GALNTL6: variants seen among roughly 807,000 people sequenced by gnomAD.
GALNTL6 encodes the protein polypeptide N-acetylgalactosaminyltransferase-like 6.
A neutral mutation model predicts 73.7 loss-of-function variants in GALNTL6; 46 were observed. The observed-to-expected ratio is 0.62, with a 90% CI of 0.49 to 0.80. GALNTL6 has a LOEUF of 0.80. GALNTL6 is among the 30% of genes least tolerant of loss of function. GALNTL6 has a pLI of 0.00. For missense variants in GALNTL6, 604 were observed against 755.0 expected (o/e 0.80, Z 2.34); for synonymous variants, 259 against 263.7 (o/e 0.98, Z 0.17).
chr4:172,152,167 G>A (rs771957246), intron 2 of GALNTL6, among the ~76,000 whole-genome samples: 3 of 151,868 alleles, frequency 2.0e-5, no homozygotes, highest in Non-Finnish European at 4.4e-5. Flanking sequence ...TAGTAGAGAC[G>A]GGGTTTCACC....
chr4:172,697,382 G>A lies in GALNTL6; in HGVS notation c.554-111979G>A, dbSNP rs538863386. Among the ~76,000 whole-genome samples, 179 of 152,176 alleles carry A rather than the reference G, an allele frequency of 1.2e-3. 1 individual carries two copies. Among genetic ancestry groups the A allele is most frequent in the African/African-American group, 4.1e-3 (169 of 41,522 alleles). ...TTAAATCAGGTGGATGACAAGCAGC[G>A]GAGATCTTGATCCTCTAAGTAAATA... On this transcript the variant is annotated intron_variant, in intron 5 of 12. Coordinates refer to ENST00000506823, the MANE Select transcript of GALNTL6 (RefSeq NM_001034845.3).
At chr4:172,583,443 A>G (rs775112134) in intron 5 of GALNTL6, among the ~76,000 whole-genome samples, 5 of 152,192 alleles carry the variant, frequency 3.3e-5, no homozygotes, top group Non-Finnish European at 7.3e-5. Flanking sequence ...ATCTGACATA[A>G]TTTTCAGGTC....
chr4:171,820,493 A>T (rs1428885082), intron 2 of GALNTL6, among the ~76,000 whole-genome samples: 1 of 152,208 alleles, frequency 6.6e-6, no homozygotes, highest in East Asian at 1.9e-4. Flanking sequence ...TTATAAAGAA[A>T]AATTAAATCC....
chr4:173,002,074 A>G lies in GALNTL6; in HGVS notation c.1372-7104A>G, dbSNP rs1410897480. Among the ~76,000 whole-genome samples the G allele has an allele frequency of 2.0e-5, 3 of 152,382 alleles. No homozygotes were observed. In the East Asian group the frequency reaches 5.8e-4, roughly 29 times the overall value. ...AAGATATTTACATGCCAGTGTTCAC[A>G]GAAGCATTATTCACAGTAGCCAAAA... is the stretch of plus-strand genomic sequence containing the variant. On this transcript the variant is annotated intron_variant, in intron 10 of 12. Transcript: ENST00000506823.
intron 9 of GALNTL6, among the ~76,000 whole-genome samples, chr4:172,936,561 A>G (rs907176465): frequency 2.0e-5 from 3 of 152,196 alleles, no homozygotes; most frequent in Non-Finnish European, 2.9e-5. Flanking sequence ...AGCTGATAGG[A>G]AACTTTAGCA....
intron 7 of GALNTL6, among the ~76,000 whole-genome samples, chr4:172,826,817 T>C (rs1482878968): frequency 6.6e-6 from 1 of 152,254 alleles, no homozygotes; most frequent in Non-Finnish European, 1.5e-5. Flanking sequence ...ACTTGGTCTC[T>C]TATGGGTAGA....
At chr4:172,142,477 C>G (rs1304912904) in intron 2 of GALNTL6, among the ~76,000 whole-genome samples, 1 of 152,018 alleles carries the variant, frequency 6.6e-6, no homozygotes, top group Non-Finnish European at 1.5e-5. Flanking sequence ...ATCAGCTTTT[C>G]TAGCATAGCT....
intron 5 of GALNTL6, among the ~76,000 whole-genome samples, chr4:172,471,735 A>G (rs1008278824): frequency 6.6e-6 from 1 of 152,208 alleles, no homozygotes; most frequent in Non-Finnish European, 1.5e-5. Context: ...TTGATATATA[A>G]TGATAAAGTT....
intron 2 of GALNTL6, among the ~76,000 whole-genome samples, chr4:172,017,712 A>G (rs762057965): frequency 1.3e-5 from 2 of 152,000 alleles, no homozygotes; most frequent in Non-Finnish European, 2.9e-5. Context: ...ATCCCTTCAT[A>G]TGGTTCCCTC....
chr4:172,965,825 ATGTATT>A (rs778766621), intron 10 of GALNTL6, among the ~76,000 whole-genome samples: 46 of 152,208 alleles, frequency 3.0e-4, no homozygotes, highest in Non-Finnish European at 5.0e-4. Context: ...TTATAAACAT[ATGTATT>A]TGTATTTGAT....
At chr4:172,030,862 A>G (rs1256202152) in intron 2 of GALNTL6, among the ~76,000 whole-genome samples, 1 of 152,082 alleles carries the variant, frequency 6.6e-6, no homozygotes, top group African/African-American at 2.4e-5. Context: ...ATAATTTTAC[A>G]GCATCTGGAA....
At chr4:172,257,566 C>T (rs1351117690) in intron 3 of GALNTL6, among the ~76,000 whole-genome samples, 1 of 151,252 alleles carries the variant, frequency 6.6e-6, no homozygotes, top group African/African-American at 2.4e-5. Context: ...TTTCACAGTC[C>T]TACTTTTTCC....
intron 5 of GALNTL6, among the ~76,000 whole-genome samples, chr4:172,784,908 A>T (rs548190413): frequency 1.3e-5 from 2 of 152,256 alleles, no homozygotes; most frequent in African/African-American, 4.8e-5. Context: ...CCTATGACAG[A>T]TGCAAAGGAA....
intron 5 of GALNTL6, among the ~76,000 whole-genome samples, chr4:172,745,093 G>A (rs1170412366): frequency 6.6e-6 from 1 of 151,844 alleles, no homozygotes; most frequent in South Asian, 2.1e-4. Flanking sequence ...GCAAGAATTA[G>A]CCTTAAATGA....
chr4:172,702,010 C>T (rs988316274), intron 5 of GALNTL6, among the ~76,000 whole-genome samples: 4 of 151,998 alleles, frequency 2.6e-5, no homozygotes, highest in East Asian at 3.9e-4. Flanking sequence ...TGAGCAGGTA[C>T]ATTTTAATAC....
At chr4:172,938,977 T>C (rs1407966651) in intron 9 of GALNTL6, among the ~76,000 whole-genome samples, 1 of 152,226 alleles carries the variant, frequency 6.6e-6, no homozygotes, top group African/African-American at 2.4e-5. Flanking sequence ...AATTATATGT[T>C]TGCTTCTCTC....
chr4:172,312,456 TACTA>T (rs148760301), intron 4 of GALNTL6, among the ~76,000 whole-genome samples: 4,637 of 152,274 alleles, frequency 0.03, 216 homozygotes, highest in African/African-American at 0.1. Flanking sequence ...CACCAAAGGA[TACTA>T]ACTGAGAACA....
At chr4:172,932,190 G>T (rs1748376543) in intron 9 of GALNTL6, among the ~76,000 whole-genome samples, 1 of 152,116 alleles carries the variant, frequency 6.6e-6, no homozygotes, top group African/African-American at 2.4e-5. Flanking sequence ...AATTCACCAG[G>T]AATCATTAGA....
At chr4:172,704,024 T>C (rs191434495) in intron 5 of GALNTL6, among the ~76,000 whole-genome samples, 6 of 152,138 alleles carry the variant, frequency 3.9e-5, no homozygotes, top group African/African-American at 9.6e-5. Context: ...TGTATTGCTA[T>C]GATATCTGTT....
Sources: gnomAD v4.1 joint callset for allele counts (sites outside exome capture counted in the v4.1 genomes callset) on GRCh38, gnomAD v4.1.1 for gene constraint, MANE v1.5 for transcripts, NCBI Gene and HGNC (gene_info 2026-07-23, HGNC 2026-07-21) for gene names.